Variants in LSAMP observed in about 807,000 individuals in gnomAD.
LSAMP encodes the protein limbic system associated membrane protein, also known as limbic system-associated membrane protein.
In LSAMP, 7 loss-of-function variants were observed where a neutral mutation model predicts 38.6. That is an observed-to-expected ratio of 0.18 (90% CI 0.10 to 0.34). The LOEUF (loss-of-function observed/expected upper bound fraction) is 0.34. Ranked by LOEUF, LSAMP falls within the 10% of genes least tolerant of loss-of-function variation. The probability of loss-of-function intolerance (pLI) is 1.00; values close to 1 mark genes in which losing one functional copy is unlikely to be tolerated. For synonymous variants in LSAMP, 154 were observed against 166.8 expected, an observed-to-expected ratio of 0.92 and a Z score of 0.59; for missense variants, 313 against 420.0, an observed-to-expected ratio of 0.75 and a Z score of 2.23.
chr3:116,390,706 C>G (rs1230688372), intron 1 of LSAMP, among the ~76,000 whole-genome samples: 1 of 139,474 alleles, frequency 7.2e-6, no homozygotes, highest in Non-Finnish European at 1.5e-5. Context: ...CACCACTGTA[C>G]TCCAGCCTGG....
chr3:116,321,857 A>G (rs2047710741), intron 1 of LSAMP, among the ~76,000 whole-genome samples: 2 of 152,294 alleles, frequency 1.3e-5, no homozygotes, highest in South Asian at 4.1e-4. Flanking sequence ...TATTTTCAAC[A>G]TGCTTCCCTG....
chr3:116,244,587 C>T lies in LSAMP; in HGVS notation c.156-158031G>A, dbSNP rs552650510. Among the ~76,000 whole-genome samples, 27 of 152,280 alleles carry T rather than the reference C, an allele frequency of 1.8e-4. 1 individual carries two copies. The Middle Eastern group carries it at 0.02, about 115-fold the overall frequency. ...AGTGAGACTAACCTAAGCATGCTAT[C>T]TTCAAACAGCTGCCCAGGGACTCTC... On this transcript the variant is annotated intron_variant, in intron 1 of 6. Coordinates refer to ENST00000490035, the MANE Select transcript of LSAMP (RefSeq NM_002338.5).
Position 116,445,340 on chromosome 3 carries a change from G to T in LSAMP, c.-309C>A. ...GAGGAAGCCAAAGGAAAGGGTTCTT[G>T]TTTGGTCTCTCTGTGACTGGATGCT... On this transcript the variant is annotated 5_prime_UTR_variant, in exon 1 of 7. Transcript: ENST00000490035. The T allele has an allele frequency of 3.6e-6, 2 of 552,292 alleles. No homozygotes were observed. Among genetic ancestry groups the T allele is most frequent in the Admixed American group, 6.9e-5 (2 of 29,168 alleles). The allele number at this position is 552,292 out of a possible 1,614,324, so 34.2% of individuals were successfully genotyped here. A position where few individuals can be genotyped will look rare whatever the true frequency, so the allele number is the denominator to read the frequency against.
intron 1 of LSAMP, among the ~76,000 whole-genome samples, chr3:116,129,020 G>A (rs1709068188): frequency 6.6e-6 from 1 of 152,084 alleles, no homozygotes; most frequent in South Asian, 2.1e-4. Context: ...CAAATAGACT[G>A]GATTTGGTGG....
intron 3 of LSAMP, among the ~76,000 whole-genome samples, chr3:115,923,669 G>A (rs945790321): frequency 6.6e-6 from 1 of 152,020 alleles, no homozygotes; most frequent in East Asian, 1.9e-4. Context: ...TAAAGAAAAT[G>A]TATATCATTC....
At chr3:116,160,307 G>A (rs1281539543) in intron 1 of LSAMP, among the ~76,000 whole-genome samples, 1 of 151,896 alleles carries the variant, frequency 6.6e-6, no homozygotes, top group Non-Finnish European at 1.5e-5. Context: ...GCTGAGGTAG[G>A]AGAATTGCTT....
chr3:116,235,594 A>G (rs2046456261), intron 1 of LSAMP, among the ~76,000 whole-genome samples: 1 of 151,250 alleles, frequency 6.6e-6, no homozygotes, highest in Non-Finnish European at 1.5e-5. Context: ...CTTCATATCA[A>G]TAAAGGAAAA....
chr3:116,223,190 T>C (rs1305585376), intron 1 of LSAMP, among the ~76,000 whole-genome samples: 2 of 152,058 alleles, frequency 1.3e-5, no homozygotes, highest in Non-Finnish European at 2.9e-5. Flanking sequence ...AACTAAAGAA[T>C]ACAGATATAA....
chr3:116,225,333 G>A (rs554219122), intron 1 of LSAMP, among the ~76,000 whole-genome samples: 43 of 152,156 alleles, frequency 2.8e-4, no homozygotes, highest in African/African-American at 8.9e-4. Context: ...GTATACTGCC[G>A]CAAGCCAAGG....
At chr3:116,078,369 G>A (rs1255846957) in intron 2 of LSAMP, among the ~76,000 whole-genome samples, 2 of 151,152 alleles carry the variant, frequency 1.3e-5, no homozygotes, top group Non-Finnish European at 2.9e-5. Context: ...CTGTTGCCCA[G>A]GCTGGAGCGC....
At chr3:115,904,086 T>C (rs1273582140) in intron 3 of LSAMP, among the ~76,000 whole-genome samples, 1 of 152,088 alleles carries the variant, frequency 6.6e-6, no homozygotes, top group African/African-American at 2.4e-5. Context: ...TTGAAAGATG[T>C]TATGAATCAT....
intron 3 of LSAMP, among the ~76,000 whole-genome samples, chr3:115,913,655 T>G (rs1371969792): frequency 6.6e-6 from 1 of 152,144 alleles, no homozygotes; most frequent in African/African-American, 2.4e-5. Flanking sequence ...AAAATAAAAA[T>G]AAGTACACTC....
rs143366049 is a variant in LSAMP, at chr3:116,001,713, A to G, written c.514+17802T>C. Among the ~76,000 whole-genome samples, 331 of 152,268 alleles carry G rather than the reference A, an allele frequency of 2.2e-3. 2 individuals are homozygous for G. The highest frequency in any genetic ancestry group is 7.2e-3 in the African/African-American group (299 of 41,572). The stretch of plus-strand genomic sequence containing the variant: ...TCCATCTTCACACCAGCAGTGTAGT[A>G]TCTTCAAGTCTCTCTCTCTAACTAC... On this transcript the variant is annotated intron_variant, in intron 3 of 6. Transcript: ENST00000490035.
chr3:116,438,986 C>G (rs2107886196), intron 1 of LSAMP, among the ~76,000 whole-genome samples: 1 of 152,254 alleles, frequency 6.6e-6, no homozygotes, highest in South Asian at 2.1e-4. Context: ...CTATTTAGTG[C>G]TGCCCTGAAA....
At position 116,260,081 on chromosome 3, in the gene LSAMP, T is replaced by C. The variant is rs1230516987; in HGVS notation, c.156-173525A>G. 2.6e-5 allele frequency among the ~76,000 whole-genome samples: 4 copies of C among 152,196 alleles called. No individual in the cohort carries two copies. The East Asian group carries it at 5.8e-4, about 22-fold the overall frequency. The stretch of plus-strand genomic sequence containing the variant: ...TCCAAGATTTGGTATTTGCCTCACA[T>C]ATAGGGCTAAATCTTTCATTTACAT... On this transcript the variant is annotated intron_variant, in intron 1 of 6. Transcript: ENST00000490035.
chr3:116,219,877 A>G (rs1018356122), intron 1 of LSAMP, among the ~76,000 whole-genome samples: 3 of 152,200 alleles, frequency 2.0e-5, no homozygotes, highest in African/African-American at 7.2e-5. Flanking sequence ...GAGAAATGCA[A>G]ATCAAAATCA....
rs904907345 is a variant in LSAMP at position 116,258,736 on chromosome 3, C to A, written c.156-172180G>T. ...CTGCTTCCTGAAGGTGAACACAACA[C>A]TTGCCTGACAGTAAAATAGAGTTGT... On this transcript the variant is annotated intron_variant, in intron 1 of 6. Transcript: ENST00000490035. Among the ~76,000 whole-genome samples the A allele has an allele frequency of 1.9e-4, 29 of 152,146 alleles. 1 individual carries two copies. The highest frequency in any genetic ancestry group is 3.8e-4 in the Non-Finnish European group (26 of 68,000).
chr3:115,942,899 T>G (rs1384539712), intron 3 of LSAMP, among the ~76,000 whole-genome samples: 1 of 152,118 alleles, frequency 6.6e-6, no homozygotes, highest in Non-Finnish European at 1.5e-5. Context: ...CACATTCAAT[T>G]GTCAACATTA....
At chr3:116,288,212 GCT>G (rs1240172455) in intron 1 of LSAMP, among the ~76,000 whole-genome samples, 1 of 152,178 alleles carries the variant, frequency 6.6e-6, no homozygotes, top group Non-Finnish European at 1.5e-5. Flanking sequence ...TGGCACTCAT[GCT>G]CTCTTTGGAG....
Sources: allele counts gnomAD v4.1 joint callset (sites outside exome capture counted in the v4.1 genomes callset), GRCh38; gene constraint gnomAD v4.1.1; transcripts MANE v1.5; gene names NCBI Gene and HGNC (gene_info 2026-07-23, HGNC 2026-07-21).